ANKRD17: variants seen among roughly 807,000 people sequenced by gnomAD.
ANKRD17 encodes the protein ankyrin repeat domain-containing protein 17.
ANKRD17 carries 19 observed loss-of-function variants against 229.7 expected under a neutral mutation model. The ratio of observed to expected loss-of-function variants is 0.08; its 90% CI spans 0.06 to 0.12. ANKRD17 has a LOEUF of 0.12. Ranked by LOEUF, ANKRD17 falls within the 10% of genes least tolerant of loss-of-function variation. The pLI, the probability that ANKRD17 is intolerant of heterozygous loss-of-function variation, is 1.00. For synonymous variants in ANKRD17, 1,112 were observed against 1,146.1 expected, an observed-to-expected ratio of 0.97 and a Z score of 0.60; for missense variants, 2,176 against 3,176.8, an observed-to-expected ratio of 0.68 and a Z score of 7.57.
intron 1 of ANKRD17, among the ~76,000 whole-genome samples, chr4:73,199,235 G>A (rs950997160): frequency 4.6e-4 from 70 of 151,224 alleles, no homozygotes; most frequent in African/African-American, 1.6e-3. Context: ...GTGTGTGTGT[G>A]TGTGTGTGTG....
rs1722840657 is a variant in ANKRD17 at position 73,092,001 on chromosome 4, C to A, written c.5627G>T (p.Gly1876Val). 2.5e-6 allele frequency: 4 copies of A among 1,614,164 alleles called. No homozygotes were observed. The highest frequency in any genetic ancestry group is 3.4e-6 in the Non-Finnish European group (4 of 1,180,038). The change falls in exon 29 of 34, where the codon GGT becomes GTT. Residue 1876 changes from glycine (G) to valine (V), a missense_variant. This residue lies in a region of ANKRD17 where 142 missense variants were observed against 200.4 expected (regional missense o/e 0.71). Transcript: ENST00000358602. ...IKNPVNNVRP[G>V]FPVSLPLAYP... The stretch of plus-strand genomic sequence containing the variant: ...TGCTAATGGAAGAGAAACTGGAAAA[C>A]CAGGCCTCACATTATTCACTGGGTT...
chr4:73,153,497 C>T (rs1028129503), intron 6 of ANKRD17, among the ~76,000 whole-genome samples: 3 of 152,212 alleles, frequency 2.0e-5, no homozygotes, highest in African/African-American at 4.8e-5. Context: ...GGCAATTGTC[C>T]GGTCTGCCAA....
intron 15 of ANKRD17, among the ~76,000 whole-genome samples, chr4:73,136,804 G>A (rs916721467): frequency 2.6e-5 from 4 of 151,712 alleles, no homozygotes; most frequent in Non-Finnish European, 5.9e-5. Context: ...CAATAAAACT[G>A]CTAAATACAA....
At chr4:73,166,755 A>G (rs1177234288) in intron 2 of ANKRD17, among the ~76,000 whole-genome samples, 5 of 138,612 alleles carry the variant, frequency 3.6e-5, no homozygotes, top group African/African-American at 1.6e-4. Flanking sequence ...TCAACAAATA[A>G]ATAGAAAAAA....
intron 29 of ANKRD17, among the ~76,000 whole-genome samples, chr4:73,088,181 T>C (rs916802429): frequency 5.3e-5 from 8 of 152,002 alleles, no homozygotes; most frequent in Non-Finnish European, 1.0e-4. Context: ...AATCAAATTA[T>C]TTACATAAGA....
chr4:73,086,881 G>A (rs1304106400), intron 29 of ANKRD17, among the ~76,000 whole-genome samples: 3 of 92,954 alleles, frequency 3.2e-5, no homozygotes, highest in South Asian at 4.2e-4. Flanking sequence ...CTGGGCGTCC[G>A]AGTGAGACTC....
At position 73,125,189 on chromosome 4, in the gene ANKRD17, AG is replaced by A. The variant is rs748185171; in HGVS notation, c.3346+11del. On this transcript the variant is annotated intron_variant, in intron 17 of 33. Coordinates refer to ENST00000358602, the MANE Select transcript of ANKRD17 (RefSeq NM_032217.5). ...CCAGTATTCCAAAAAATAAAACAAA[AG>A]TAGGCCCTACCTTTCTTGTCTCGGT... 1 of 1,593,792 alleles carries A rather than the reference AG, an allele frequency of 6.3e-7. No homozygotes were observed. Among genetic ancestry groups the A allele is most frequent in the Non-Finnish European group, 8.5e-7 (1 of 1,173,246 alleles).
chr4:73,096,679 A>G (rs535762522), intron 27 of ANKRD17, among the ~76,000 whole-genome samples: 1 of 152,312 alleles, frequency 6.6e-6, no homozygotes, highest in South Asian at 2.1e-4. Context: ...TTGGATACAT[A>G]TTATTTTTAA....
intron 1 of ANKRD17, among the ~76,000 whole-genome samples, chr4:73,229,306 T>C (rs1742817186): frequency 6.6e-6 from 1 of 152,150 alleles, no homozygotes. Flanking sequence ...AGTTTAGATG[T>C]TACCCAATTA....
chr4:73,177,855 T>C (rs574577475), intron 1 of ANKRD17, among the ~76,000 whole-genome samples: 19 of 152,308 alleles, frequency 1.2e-4, no homozygotes, highest in Non-Finnish European at 1.9e-4. Context: ...AAACTTTAAC[T>C]GTGAATAGAA....
intron 1 of ANKRD17, among the ~76,000 whole-genome samples, chr4:73,213,426 G>T (rs1740587748): frequency 6.6e-6 from 1 of 152,192 alleles, no homozygotes; most frequent in Non-Finnish European, 1.5e-5. Context: ...AAAACTGAGA[G>T]AAAGAGGTTA....
chr4:73,229,824 C>T (rs1284185745), intron 1 of ANKRD17, among the ~76,000 whole-genome samples: 1 of 151,976 alleles, frequency 6.6e-6, no homozygotes, highest in African/African-American at 2.4e-5. Context: ...ATTTTAAAGA[C>T]CCAGAATTGT....
At chr4:73,154,767 C>A (rs377261570) in intron 5 of ANKRD17, among the ~76,000 whole-genome samples, 1 of 152,114 alleles carries the variant, frequency 6.6e-6, no homozygotes, top group East Asian at 1.9e-4. Flanking sequence ...ACGGGCCGGG[C>A]GCGGTGGCTC....
At chr4:73,078,201 AC>A (rs1216207226) in intron 31 of ANKRD17, among the ~76,000 whole-genome samples, 10 of 151,796 alleles carry the variant, frequency 6.6e-5, no homozygotes, top group Non-Finnish European at 1.0e-4. Flanking sequence ...ACACGGTGAA[AC>A]CCCGTCTCTA....
At chr4:73,249,573 T>C (rs753462335) in intron 1 of ANKRD17, among the ~76,000 whole-genome samples, 8 of 152,216 alleles carry the variant, frequency 5.3e-5, no homozygotes, top group Non-Finnish European at 1.2e-4. Context: ...TTAAGTAAAA[T>C]CGGCCGGGTG....
At chr4:73,254,661 G>A (rs912528103) in intron 1 of ANKRD17, among the ~76,000 whole-genome samples, 6 of 151,812 alleles carry the variant, frequency 4.0e-5, no homozygotes, top group African/African-American at 9.7e-5. Context: ...CCAGCTACTC[G>A]GGAAGCTGAG....
rs764323644 is a variant in ANKRD17 at position 73,075,225 on chromosome 4, T to C, written c.*1006A>G. The C allele has an allele frequency of 2.1e-4, 32 of 152,124 alleles. No individual in the cohort carries two copies. The highest frequency in any genetic ancestry group is 4.0e-4 in the Non-Finnish European group (27 of 67,966). 9.4% of individuals were successfully genotyped at this position (152,124 alleles called of 1,614,324 possible). A position where few individuals can be genotyped will look rare whatever the true frequency, so the allele number is the denominator to read the frequency against. Reference sequence around the variant, plus strand: ...AAGCCAATGTTAAGAATCAATATCATCCAATATAAAATAGTACATTGAATT... The same window carrying C: ...AAGCCAATGTTAAGAATCAATATCACCCAATATAAAATAGTACATTGAATT... On this transcript the variant is annotated 3_prime_UTR_variant, in exon 34 of 34. Transcript: ENST00000358602.
chr4:73,080,054 C>T (rs1721403444), intron 30 of ANKRD17, among the ~76,000 whole-genome samples: 1 of 151,992 alleles, frequency 6.6e-6, no homozygotes, highest in Non-Finnish European at 1.5e-5. Context: ...TGCAGTGAGC[C>T]GAGATCGTGT....
rs553735395 is a variant in ANKRD17 at position 73,203,892 on chromosome 4, A to G, written c.394-26359T>C. 1.3e-3 allele frequency among the ~76,000 whole-genome samples: 197 copies of G among 152,226 alleles called. 3 individuals carry two copies. Among genetic ancestry groups the G allele is most frequent in the Admixed American group, 0.013 (195 of 15,290 alleles). ...AACACGAAGAAAAGTGCACCAAGGC[A>G]CATCACAATGAAACTACTAAAAATC... On this transcript the variant is annotated intron_variant, in intron 1 of 33. Transcript: ENST00000358602.
Sources: gnomAD v4.1 joint callset for allele counts (sites outside exome capture counted in the v4.1 genomes callset) on GRCh38, gnomAD v4.1.1 for gene constraint, gnomAD v4.1.1 regional missense constraint, MANE v1.5 for transcripts, NCBI Gene and HGNC (gene_info 2026-07-23, HGNC 2026-07-21) for gene names.